Variants in LAMC3 observed in about 807,000 individuals in gnomAD.
LAMC3 encodes laminin subunit gamma 3.
Under a neutral mutation model 173.8 loss-of-function variants are expected in LAMC3, and 128 were observed. The ratio of observed to expected loss-of-function variants is 0.74; its 90% CI spans 0.64 to 0.85. The LOEUF (loss-of-function observed/expected upper bound fraction) is 0.85, where lower values mean the gene tolerates loss of function less well. Among genes scored for constraint, LAMC3 ranks in the 40% least tolerant of loss-of-function variants. The probability of loss-of-function intolerance (pLI) is 0.00; values close to 1 mark genes in which losing one functional copy is unlikely to be tolerated. For missense variants in LAMC3, 2,022 were observed against 2,156.0 expected, an observed-to-expected ratio of 0.94 and a Z score of 1.23; for synonymous variants, 897 against 909.1, an observed-to-expected ratio of 0.99 and a Z score of 0.24.
chr9:131,050,155 A>T (rs933263906), intron 9 of LAMC3, among the ~76,000 whole-genome samples: 1 of 152,374 alleles, frequency 6.6e-6, no homozygotes, highest in Admixed American at 6.5e-5. Context: ...CATATGTAAG[A>T]AAAGGGGCTT....
intron 13 of LAMC3, among the ~76,000 whole-genome samples, 177 bp downstream of exon 13, chr9:131,061,400 C>T (rs1829820513): frequency 6.6e-6 from 1 of 152,202 alleles, no homozygotes; most frequent in South Asian, 2.1e-4. Context: ...GCCCCATAGC[C>T]AGAGCCCCAG....
intron 27 of LAMC3, 79 bp downstream of exon 27, chr9:131,087,896 T>G: frequency 9.0e-7 from 1 of 1,107,042 alleles, no homozygotes; most frequent in Non-Finnish European, 1.4e-6. Flanking sequence ...GCTCCAGTCC[T>G]GGGGAAGATT....
chr9:131,009,718 C>A lies in LAMC3; in HGVS notation c.373+131C>A. On this transcript the variant is annotated intron_variant, in intron 1 of 27. Transcript: ENST00000361069. The surrounding 1 kb of genome is among the most constrained non-coding windows in gnomAD (Gnocchi z 4.3). ...CCAGATATGGTGTTGGATGGAGGGG[C>A]TCAGAAATAGGAATTAGGCTGGGTG... The A allele has an allele frequency of 8.7e-7, 1 of 1,144,902 alleles. No homozygotes were observed. Among genetic ancestry groups the A allele is most frequent in the Non-Finnish European group, 1.2e-6 (1 of 813,600 alleles). 70.9% of individuals were successfully genotyped at this position (1,144,902 alleles called of 1,614,324 possible). A position where few individuals can be genotyped will look rare whatever the true frequency, so the allele number is the denominator to read the frequency against.
chr9:131,017,447 C>T (rs1206574301), intron 1 of LAMC3, among the ~76,000 whole-genome samples: 3 of 151,972 alleles, frequency 2.0e-5, no homozygotes, highest in South Asian at 2.1e-4. Flanking sequence ...AATTAGAGGC[C>T]GGGTGCGGTC....
chr9:131,056,304 C>T (rs2133289826), intron 11 of LAMC3, among the ~76,000 whole-genome samples: 1 of 152,268 alleles, frequency 6.6e-6, no homozygotes, highest in East Asian at 1.9e-4. Context: ...GAGTTTCCTA[C>T]ACGCCATCCT....
At chr9:131,062,725 C>T (rs1829854465) in intron 13 of LAMC3, among the ~76,000 whole-genome samples, 1 of 151,910 alleles carries the variant, frequency 6.6e-6, no homozygotes, top group Non-Finnish European at 1.5e-5. Context: ...AAAAATTAGC[C>T]AGGAGCGGTG....
intron 3 of LAMC3, among the ~76,000 whole-genome samples, chr9:131,032,777 A>G (rs139148184): frequency 2.8e-4 from 42 of 152,002 alleles, no homozygotes; most frequent in African/African-American, 8.9e-4. Flanking sequence ...CAAGGTATTC[A>G]CCTGTCTCAG....
intron 9 of LAMC3, among the ~76,000 whole-genome samples, chr9:131,052,206 C>T (rs1274481964): frequency 2.0e-5 from 3 of 152,288 alleles, no homozygotes; most frequent in Non-Finnish European, 4.4e-5. Flanking sequence ...CACCCTCGGA[C>T]TCCGTGTTCC....
intron 1 of LAMC3, among the ~76,000 whole-genome samples, chr9:131,013,903 T>C (rs1833470314): frequency 2.0e-5 from 3 of 152,216 alleles, no homozygotes; most frequent in African/African-American, 2.4e-5. Flanking sequence ...CGTTCTGTCT[T>C]CCTGTCGAGT....
chr9:131,069,941 AC>A, intron 17 of LAMC3, 91 bp downstream of exon 17: 3 of 1,324,790 alleles, frequency 2.3e-6, no homozygotes, highest in South Asian at 1.3e-5. Context: ...CTGCCTGCTT[AC>A]CCCCAGTGCT....
intron 6 of LAMC3, 36 bp downstream of exon 6, chr9:131,039,284 C>G (rs1215307445): frequency 1.8e-5 from 28 of 1,525,216 alleles, no homozygotes; most frequent in Non-Finnish European, 2.5e-5. Flanking sequence ...GGACACATTG[C>G]ACTGAATGAC....
Position 131,079,318 on chromosome 9 carries a change from A to C in LAMC3, c.3927+20A>C, listed in dbSNP as rs1830193598. On this transcript the variant is annotated intron_variant, in intron 23 of 27. Coordinates refer to ENST00000361069, the MANE Select transcript of LAMC3 (RefSeq NM_006059.4). ...ACAAAGGTCAGCTCTTGTGCTTTGA[A>C]GCAGGGGACCTGGGAGAGGTTGGGG... is the stretch of plus-strand genomic sequence containing the variant. 2 of 1,613,754 alleles carry C rather than the reference A, an allele frequency of 1.2e-6. No individual in the cohort carries two copies. Among genetic ancestry groups the C allele is most frequent in the African/African-American group, 1.3e-5 (1 of 74,944 alleles).
chr9:131,079,239 GCCCGAA>G lies in LAMC3; in HGVS notation c.3872_3877del (p.Arg1291_Thr1292del). 1 of 1,614,206 alleles carries G rather than the reference GCCCGAA, an allele frequency of 6.2e-7. No individual in the cohort carries two copies. The highest frequency in any genetic ancestry group is 8.5e-7 in the Non-Finnish European group (1 of 1,180,032). ...ATGGCAGCACATGGCCACTGAGGCT[GCCCGAA>G]CCCTCCAGACTGCTGCCCAGGCGAC... On this transcript the variant is annotated inframe_deletion, in exon 23 of 28. Transcript: ENST00000361069.
intron 1 of LAMC3, among the ~76,000 whole-genome samples, chr9:131,011,920 G>C (rs1178790649): frequency 6.6e-6 from 1 of 152,090 alleles, no homozygotes; most frequent in Non-Finnish European, 1.5e-5. Flanking sequence ...TGCATCTACT[G>C]TGTGCCAGGC....
chr9:131,067,327 C>T, intron 14 of LAMC3, 122 bp downstream of exon 14: 1 of 1,244,000 alleles, frequency 8.0e-7, no homozygotes, highest in Non-Finnish European at 1.2e-6. Flanking sequence ...CTCTGCAAGG[C>T]TGTCCAGCCT....
At chr9:131,088,764 A>AGACAGAAAGCC (rs1830371243) in intron 27 of LAMC3, among the ~76,000 whole-genome samples, 1 of 151,808 alleles carries the variant, frequency 6.6e-6, no homozygotes, top group South Asian at 2.1e-4. Flanking sequence ...GGCAGCCATC[A>AGACAGAAAGCC]TTCTACTTTC....
chr9:131,086,139 C>T (rs1439366446), intron 25 of LAMC3, among the ~76,000 whole-genome samples: 2 of 152,092 alleles, frequency 1.3e-5, no homozygotes, highest in Admixed American at 6.5e-5. Context: ...AGTGCAGTGG[C>T]GCAATCTCAG....
chr9:131,037,724 G>T lies in LAMC3; in HGVS notation c.977-1140G>T, dbSNP rs1314551447. 3.9e-5 allele frequency among the ~76,000 whole-genome samples: 6 copies of T among 152,196 alleles called. No homozygotes were observed. The South Asian group carries it at 1.2e-3, about 31-fold the overall frequency. ...CCCAGGCTGGTCTTTACACTCCTAGGCTCAAGCAGTCCTCCTACCTTACCT... is the reference window on the plus strand; with the variant it reads ...CCCAGGCTGGTCTTTACACTCCTAGTCTCAAGCAGTCCTCCTACCTTACCT... On this transcript the variant is annotated intron_variant, in intron 4 of 27. Transcript: ENST00000361069.
chr9:131,077,424 C>T (rs376081635), intron 22 of LAMC3, 90 bp downstream of exon 22: 24 of 1,544,664 alleles, frequency 1.6e-5, no homozygotes, highest in African/African-American at 1.1e-4. Context: ...CGCCTGTAAT[C>T]GCAGCACTTT....
Sources: allele counts gnomAD v4.1 joint callset (sites outside exome capture counted in the v4.1 genomes callset), GRCh38; gene constraint gnomAD v4.1.1; non-coding constraint Gnocchi (gnomAD v3.1); transcripts MANE v1.5; gene names NCBI Gene and HGNC (gene_info 2026-07-23, HGNC 2026-07-21).